PHYHIPL: variants seen among roughly 807,000 people sequenced by gnomAD.
The protein encoded by PHYHIPL is phytanoyl-CoA hydroxylase-interacting protein-like.
Under a neutral mutation model 33.4 loss-of-function variants are expected in PHYHIPL, and 9 were observed. The observed-to-expected ratio is 0.27, with a 90% CI of 0.16 to 0.47. The LOEUF is 0.47. Ranked by LOEUF, PHYHIPL falls within the 20% of genes least tolerant of loss-of-function variation. The pLI is 0.99. For missense variants in PHYHIPL, 365 were observed against 460.7 expected (o/e 0.79, Z 1.90); for synonymous variants, 153 against 154.1 (o/e 0.99, Z 0.05).
intron 1 of PHYHIPL, among the ~76,000 whole-genome samples, chr10:59,203,839 C>G (rs1839203901): frequency 6.6e-6 from 1 of 152,098 alleles, no homozygotes; most frequent in Admixed American, 6.5e-5. Context: ...ATGGGTGCAG[C>G]ACACCAACAT....
At chr10:59,235,917 A>G (rs995822684) in intron 2 of PHYHIPL, among the ~76,000 whole-genome samples, 2 of 151,982 alleles carry the variant, frequency 1.3e-5, no homozygotes, top group Non-Finnish European at 2.9e-5. Context: ...CCTGTAAAAT[A>G]TCAAGTAATG....
intron 4 of PHYHIPL, among the ~76,000 whole-genome samples, chr10:59,241,335 A>G (rs1564460652): frequency 6.6e-6 from 1 of 152,078 alleles, no homozygotes; most frequent in African/African-American, 2.4e-5. Context: ...AACTGGATAA[A>G]TACTTACTCA....
chr10:59,222,268 A>G (rs963314567), intron 1 of PHYHIPL, among the ~76,000 whole-genome samples: 8 of 152,038 alleles, frequency 5.3e-5, no homozygotes, highest in Admixed American at 2.6e-4. Context: ...TGCTTTTTTA[A>G]CCATCTTTAT....
intron 1 of PHYHIPL, among the ~76,000 whole-genome samples, chr10:59,201,031 G>A (rs1186550101): frequency 5.9e-5 from 9 of 151,994 alleles, no homozygotes; most frequent in Admixed American, 2.6e-4. Context: ...TTGATATTTC[G>A]AAGGGTTTTT....
At chr10:59,189,729 A>G (rs893244174) in intron 1 of PHYHIPL, among the ~76,000 whole-genome samples, 2 of 152,042 alleles carry the variant, frequency 1.3e-5, no homozygotes, top group African/African-American at 2.4e-5. Context: ...ATAATGGAGT[A>G]TAGAAGAGAA....
At chr10:59,237,800 T>TTATTGTACA (rs1395402135) in intron 3 of PHYHIPL, among the ~76,000 whole-genome samples, 2 of 152,008 alleles carry the variant, frequency 1.3e-5, no homozygotes, top group African/African-American at 4.8e-5. Context: ...TAATAAATCA[T>TTATTGTACA]TATTGTACAT....
intron 1 of PHYHIPL, among the ~76,000 whole-genome samples, chr10:59,219,688 A>G (rs977643810): frequency 2.0e-5 from 3 of 152,066 alleles, no homozygotes; most frequent in Non-Finnish European, 4.4e-5. Flanking sequence ...AGATGGAAAA[A>G]TTTTCAAGAT....
At chr10:59,230,964 T>C (rs1456036271) in intron 1 of PHYHIPL, among the ~76,000 whole-genome samples, 1 of 152,054 alleles carries the variant, frequency 6.6e-6, no homozygotes, top group African/African-American at 2.4e-5. Flanking sequence ...AACCACCAAG[T>C]AACAGGCTTC....
intron 1 of PHYHIPL, among the ~76,000 whole-genome samples, chr10:59,186,826 T>G (rs1728025273): frequency 1.3e-5 from 2 of 152,208 alleles, no homozygotes; most frequent in South Asian, 2.1e-4. Context: ...ATCCTGAGAC[T>G]TTGCTGAAGT....
chr10:59,189,145 A>C (rs1838708747), intron 1 of PHYHIPL, among the ~76,000 whole-genome samples: 1 of 152,024 alleles, frequency 6.6e-6, no homozygotes, highest in African/African-American at 2.4e-5. Flanking sequence ...TCAAGATCAT[A>C]TTCATCTTTC....
At chr10:59,194,992 T>A (rs533604409) in intron 1 of PHYHIPL, among the ~76,000 whole-genome samples, 4 of 152,228 alleles carry the variant, frequency 2.6e-5, no homozygotes, top group Non-Finnish European at 4.4e-5. Flanking sequence ...TTGTGAAATG[T>A]CAAAAACATT....
intron 1 of PHYHIPL, among the ~76,000 whole-genome samples, chr10:59,229,851 C>T (rs1194146077): frequency 5.3e-5 from 8 of 149,934 alleles, no homozygotes; most frequent in Admixed American, 2.6e-4. Context: ...TTGTTACAGG[C>T]GCATACTCTT....
intron 1 of PHYHIPL, among the ~76,000 whole-genome samples, chr10:59,194,230 C>T (rs1838852681): frequency 6.6e-6 from 1 of 151,664 alleles, no homozygotes; most frequent in Admixed American, 6.6e-5. Context: ...TACAGGTGTG[C>T]ACCACCACAC....
chr10:59,194,005 C>A (rs941927115), intron 1 of PHYHIPL, among the ~76,000 whole-genome samples: 1 of 150,976 alleles, frequency 6.6e-6, no homozygotes, highest in South Asian at 2.1e-4. Flanking sequence ...TTCCAAATTC[C>A]AAATACAATT....
intron 1 of PHYHIPL, among the ~76,000 whole-genome samples, chr10:59,209,822 G>A (rs1839394929): frequency 6.6e-6 from 1 of 152,168 alleles, no homozygotes; most frequent in Admixed American, 6.5e-5. Flanking sequence ...ATGGGGAAAG[G>A]ATTCCCTATT....
chr10:59,213,028 A>T (rs557226068), intron 1 of PHYHIPL, among the ~76,000 whole-genome samples: 1 of 152,344 alleles, frequency 6.6e-6, no homozygotes, highest in South Asian at 2.1e-4. Flanking sequence ...CTGTCAGCTC[A>T]TAACTATAAA....
At chr10:59,195,684 G>A (rs1295346870) in intron 1 of PHYHIPL, among the ~76,000 whole-genome samples, 2 of 152,134 alleles carry the variant, frequency 1.3e-5, no homozygotes, top group African/African-American at 4.8e-5. Flanking sequence ...TCAGCTGAAA[G>A]TATTTTAGGG....
chr10:59,195,066 G>T (rs1838875041), intron 1 of PHYHIPL, among the ~76,000 whole-genome samples: 2 of 152,078 alleles, frequency 1.3e-5, no homozygotes, highest in Non-Finnish European at 2.9e-5. Flanking sequence ...CAGAAAGGGG[G>T]AAAGGATTTG....
At chr10:59,183,057 A>G (rs1048356028) in intron 1 of PHYHIPL, among the ~76,000 whole-genome samples, 2 of 152,178 alleles carry the variant, frequency 1.3e-5, no homozygotes, top group African/African-American at 2.4e-5. Context: ...TTGTTTTACC[A>G]GGATGATATT....
Sources: allele counts gnomAD v4.1 joint callset (sites outside exome capture counted in the v4.1 genomes callset), GRCh38; gene constraint gnomAD v4.1.1; transcripts MANE v1.5; gene names NCBI Gene and HGNC (gene_info 2026-07-23, HGNC 2026-07-21).